PKN3: variants seen among roughly 807,000 people sequenced by gnomAD.
PKN3 encodes protein kinase N3, also known as serine/threonine-protein kinase N3.
PKN3 carries 91 observed loss-of-function variants against 113.1 expected under a neutral mutation model. That is an observed-to-expected ratio of 0.80 (90% CI 0.68 to 0.96). The LOEUF is 0.96. Ranked by LOEUF, PKN3 falls within the 40% of genes least tolerant of loss-of-function variation. The pLI is 0.00. For synonymous variants in PKN3, 467 were observed against 499.0 expected (o/e 0.94, Z 0.85); for missense variants, 1,052 against 1,202.2 (o/e 0.88, Z 1.85).
At position 128,711,578 on chromosome 9, in the gene PKN3, G is replaced by A. The variant is rs555462149; in HGVS notation, c.836-1474G>A. Among the ~76,000 whole-genome samples the A allele has an allele frequency of 3.0e-4, 45 of 152,018 alleles. No homozygotes were observed. The East Asian group carries it at 8.7e-3, about 29-fold the overall frequency. On this transcript the variant is annotated intron_variant, in intron 6 of 21. Coordinates refer to ENST00000291906, the MANE Select transcript of PKN3 (RefSeq NM_013355.5). Reference sequence around the variant, plus strand: ...CTCCCAAAGTGCTGGGATTACAGGTGTGAGCCACCACGCCCGGCCTTTTTT... The same window carrying A: ...CTCCCAAAGTGCTGGGATTACAGGTATGAGCCACCACGCCCGGCCTTTTTT...
intron 6 of PKN3, among the ~76,000 whole-genome samples, chr9:128,708,384 AAATAAT>A (rs1274425771): frequency 2.0e-5 from 3 of 152,140 alleles, no homozygotes; most frequent in Non-Finnish European, 2.9e-5. Context: ...CCATCTCAAA[AAATAAT>A]AATAATAATT....
Position 128,705,749 on chromosome 9 carries a change from G to A in PKN3, c.281G>A (p.Gly94Glu), listed in dbSNP as rs759749886. The change falls in exon 3 of 22, where the codon GGA (glycine) becomes GAA (glutamate). Residue 94 changes from glycine (G) to glutamate (E), a missense_variant. Coordinates refer to ENST00000291906, the MANE Select transcript of PKN3 (RefSeq NM_013355.5). ...GPGPAEPVAS[G>E]PRPWAEQLRA... ...CCGTGCACAGAGCCTGTGGCCTCAG[G>A]ACCCCGGCCGTGGGCAGAGCAGCTC... 8 of 1,606,136 alleles carry A rather than the reference G, an allele frequency of 5.0e-6. No homozygotes were observed. Among genetic ancestry groups the A allele is most frequent in the Admixed American group, 1.7e-5 (1 of 59,040 alleles).
intron 6 of PKN3, among the ~76,000 whole-genome samples, chr9:128,710,857 G>A (rs1170092042): frequency 6.6e-6 from 1 of 152,118 alleles, no homozygotes; most frequent in Non-Finnish European, 1.5e-5. Flanking sequence ...AGTACTTATG[G>A]CCAAGTAGAC....
rs758385824 is a variant in PKN3 at position 128,718,654 on chromosome 9, T to G, written c.2125+29T>G. The G allele has an allele frequency of 8.1e-6, 13 of 1,606,414 alleles. No individual in the cohort carries two copies. The South Asian group carries it at 1.4e-4, about 18-fold the overall frequency. ...GGGGCCGCCCATTGGGATCCATATC[T>G]CCAGCCTTGTTTACCCACCCTGGCC... On this transcript the variant is annotated intron_variant, in intron 18 of 21. Transcript: ENST00000291906.
Position 128,715,789 on chromosome 9 carries a change from G to A in PKN3, c.1808+329G>A, listed in dbSNP as rs1273785074. On this transcript the variant is annotated intron_variant, in intron 15 of 21. Transcript: ENST00000291906. The surrounding 1 kb of genome is among the most constrained non-coding windows in gnomAD (Gnocchi z 4.1). ...AGCACTTTGGGAGGCCAAGGCAGGC[G>A]GATCACTTGAGTCCAGGAGTTCAAG... Among the ~76,000 whole-genome samples the A allele has an allele frequency of 1.3e-5, 2 of 152,050 alleles. No individual in the cohort carries two copies. The highest frequency in any genetic ancestry group is 6.6e-5 in the Admixed American group (1 of 15,266).
chr9:128,718,674 C>G (rs776934553), intron 18 of PKN3, 49 bp downstream of exon 18: 1 of 1,545,724 alleles, frequency 6.5e-7, no homozygotes, highest in South Asian at 1.1e-5. Context: ...TTTACCCACC[C>G]TGGCCAATAG....
Position 128,706,971 on chromosome 9 carries a change from T to G in PKN3, c.599T>G (p.Val200Gly). The change falls in exon 5 of 22, where the codon GTG becomes GGG. Residue 200 changes from valine to glycine, a missense_variant. Physicochemically the swap from Val to Gly is moderately radical, Grantham distance 109. Transcript: ENST00000291906. ...EAAVAEGAKN[V>G]VKLLSSRRTQ... is the part of the protein sequence containing the mutation. ...GCTGTGGCTGAGGGCGCCAAGAACGTGGTGAAACTGCTTAGTAGCCGGAGA... is the reference window on the plus strand; with the variant it reads ...GCTGTGGCTGAGGGCGCCAAGAACGGGGTGAAACTGCTTAGTAGCCGGAGA... The G allele has an allele frequency of 6.2e-7, 1 of 1,614,062 alleles. No homozygotes were observed. The highest frequency in any genetic ancestry group is 8.5e-7 in the Non-Finnish European group (1 of 1,179,984).
At chr9:128,705,647 A>T in intron 2 of PKN3, 87 bp from the exon 3 acceptor site, 4 of 1,539,246 alleles carry the variant, frequency 2.6e-6, no homozygotes, top group Non-Finnish European at 3.5e-6. Flanking sequence ...TTTCCTGCCT[A>T]TAGATCAGTA....
At chr9:128,706,658 TG>T in intron 3 of PKN3, 54 bp from the exon 4 acceptor site, 1 of 1,312,272 alleles carries the variant, frequency 7.6e-7, no homozygotes, top group Non-Finnish European at 1.0e-6. Context: ...CCTGGTCTGA[TG>T]GGGGAAGCTG....
Position 128,706,823 on chromosome 9 carries a change from A to G in PKN3, c.522A>G (p.Pro174=), listed in dbSNP as rs764741261. Residue 174 remains proline, a splice_region_variant and synonymous_variant, in exon 4 of 22, where the codon CCA becomes CCG. Coordinates refer to ENST00000291906, the MANE Select transcript of PKN3 (RefSeq NM_013355.5). Reference sequence around the variant, plus strand: ...TGGAGGCCAGTGGGTCCCCGGAGCCAGGTGAGGCCTTGAGACACAGGGAGG... The same window carrying G: ...TGGAGGCCAGTGGGTCCCCGGAGCCGGGTGAGGCCTTGAGACACAGGGAGG... ...SSLEASGSPE[P]GPELLAEELQ... 5 of 1,610,966 alleles carry G rather than the reference A, an allele frequency of 3.1e-6. No homozygotes were observed. The South Asian group carries it at 5.5e-5, about 18-fold the overall frequency.
rs768345679 is a variant in PKN3, at chr9:128,704,083, G to T, written c.24+1144G>T. Reference sequence around the variant, plus strand: ...GGGTGGGGGGGTCCCTGAGTCTGGGGTTGCGGCCCCTTCCACTGGGCTCAG... The same window carrying T: ...GGGTGGGGGGGTCCCTGAGTCTGGGTTTGCGGCCCCTTCCACTGGGCTCAG... On this transcript the variant is annotated intron_variant, in intron 1 of 21. Coordinates refer to ENST00000291906, the MANE Select transcript of PKN3 (RefSeq NM_013355.5). 4.1e-6 allele frequency: 4 copies of T among 985,230 alleles called. No homozygotes were observed. In the African/African-American group the frequency reaches 7.0e-5, roughly 17 times the overall value. 61.0% of individuals were successfully genotyped at this position (985,230 alleles called of 1,614,324 possible). A position where few individuals can be genotyped will look rare whatever the true frequency, so the allele number is the denominator to read the frequency against.
intron 3 of PKN3, among the ~76,000 whole-genome samples, chr9:128,706,228 G>T (rs1862011374): frequency 6.6e-6 from 1 of 152,178 alleles, no homozygotes; most frequent in African/African-American, 2.4e-5. Flanking sequence ...GCTTAGCTTA[G>T]CCCCTGCCCT....
intron 1 of PKN3, chr9:128,704,020 C>T: frequency 1.0e-6 from 1 of 985,160 alleles, no homozygotes; most frequent in Non-Finnish European, 1.2e-6. Context: ...TCGCCCTTGC[C>T]CTCTGACAGC....
At chr9:128,714,970 ACTG>A in intron 13 of PKN3, 105 bp downstream of exon 13, 3 of 1,204,114 alleles carry the variant, frequency 2.5e-6, no homozygotes, top group Non-Finnish European at 3.7e-6. Context: ...GGGTGCGCTG[ACTG>A]GCTCTCGGGG....
In PKN3 at chr9:128,720,789, C is replaced by G; in HGVS notation, c.*183C>G. 1 of 615,210 alleles carries G rather than the reference C, an allele frequency of 1.6e-6. No individual in the cohort carries two copies. The highest frequency in any genetic ancestry group is 2.9e-6 in the Non-Finnish European group (1 of 350,076). The allele number at this position is 615,210 out of a possible 1,614,324, so 38.1% of individuals were successfully genotyped here. Reference sequence around the variant, plus strand: ...TCAGTGTCACTGGGCAAAGTGTGTCCCTTCCCCCTCCAGCTCGCCCTCTTC... The same window carrying G: ...TCAGTGTCACTGGGCAAAGTGTGTCGCTTCCCCCTCCAGCTCGCCCTCTTC... On this transcript the variant is annotated 3_prime_UTR_variant, in exon 22 of 22. Coordinates refer to ENST00000291906, the MANE Select transcript of PKN3 (RefSeq NM_013355.5). The surrounding 1 kb of genome is among the most constrained non-coding windows in gnomAD (Gnocchi z 5.5).
Position 128,702,944 on chromosome 9 carries a change from A to G in PKN3, c.24+5A>G, listed in dbSNP as rs1314806789. 2 of 1,448,254 alleles carry G rather than the reference A, an allele frequency of 1.4e-6. No individual in the cohort carries two copies. The highest frequency in any genetic ancestry group is 1.8e-6 in the Non-Finnish European group (2 of 1,106,982). 89.7% of individuals were successfully genotyped at this position (1,448,254 alleles called of 1,614,324 possible). ...GAGGAGGGGGCGCCGCGGCAGGTGA[A>G]CGGCGTGGGAGGGGCGCGCGGGCCC... On this transcript the variant is annotated splice_donor_5th_base_variant and intron_variant, in intron 1 of 21. Coordinates refer to ENST00000291906, the MANE Select transcript of PKN3 (RefSeq NM_013355.5).
At chr9:128,719,545 G>T (rs961863186) in intron 18 of PKN3, 141 bp from the exon 19 acceptor site, 4 of 839,528 alleles carry the variant, frequency 4.8e-6, no homozygotes, top group Non-Finnish European at 7.4e-6. Context: ...CAGTCAAATG[G>T]CGTCATAACC....
At position 128,715,893 on chromosome 9, in the gene PKN3, C is replaced by T. The variant is rs1011722343; in HGVS notation, c.1808+433C>T. ...TGGCATGTGCCTTTAGTCCCAGCTA[C>T]TTGGGAGGGTGAGGTGAGAGGATTG... On this transcript the variant is annotated intron_variant, in intron 15 of 21. Transcript: ENST00000291906. The surrounding 1 kb of genome is among the most constrained non-coding windows in gnomAD (Gnocchi z 4.1). Among the ~76,000 whole-genome samples the T allele has an allele frequency of 4.6e-5, 7 of 151,830 alleles. No homozygotes were observed. The highest frequency in any genetic ancestry group is 1.5e-4 in the African/African-American group (6 of 41,314).
chr9:128,719,849 C>G, intron 19 of PKN3, 21 bp downstream of exon 19: 2 of 1,575,446 alleles, frequency 1.3e-6, no homozygotes, highest in East Asian at 2.2e-5. Flanking sequence ...GAGCCTGTTT[C>G]CTGGGCCTCT....
Sources: gnomAD v4.1 joint callset for allele counts (sites outside exome capture counted in the v4.1 genomes callset) on GRCh38, gnomAD v4.1.1 for gene constraint, Gnocchi (gnomAD v3.1) non-coding constraint, MANE v1.5 for transcripts, NCBI Gene and HGNC (gene_info 2026-07-23, HGNC 2026-07-21) for gene names.